The following FOCAD variants were observed in gnomAD, a reference collection of about 807,000 sequenced individuals.
FOCAD encodes the protein KIAA1797.
A neutral mutation model predicts 225.6 loss-of-function variants in FOCAD; 198 were observed. The ratio of observed to expected loss-of-function variants is 0.88; its 90% CI spans 0.78 to 0.99. The LOEUF is 0.99. Ranked by LOEUF, FOCAD falls within the 50% of genes least tolerant of loss-of-function variation. The probability of loss-of-function intolerance (pLI) is 0.00; values close to 1 mark genes in which losing one functional copy is unlikely to be tolerated. For synonymous variants in FOCAD, 897 were observed against 755.0 expected (o/e 1.19, Z -3.08); for missense variants, 2,713 against 2,123.6 (o/e 1.28, Z -5.46).
rs1554753014 is a variant in FOCAD, at chr9:20,986,269, T to TTTTTTTATTTTTTA, written c.4729-13_4729-12insATTTTTTATTTTTT. On this transcript the variant is annotated intron_variant, in intron 39 of 43. Coordinates refer to ENST00000338382, the MANE Select transcript of FOCAD (RefSeq NM_001375567.1). ...TTAATTTAATAGTAACTAAACAATT[T>TTTTTTTATTTTTTA]TTTTTTTTTTTTTTGCAGAGCAACA... 3.4e-6 allele frequency: 4 copies of TTTTTTTATTTTTTA among 1,191,798 alleles called. 1 individual carries two copies. In the African/African-American group the frequency reaches 5.0e-5, roughly 15 times the overall value. The allele number at this position is 1,191,798 out of a possible 1,614,324, so 73.8% of individuals were successfully genotyped here. A position where few individuals can be genotyped will look rare whatever the true frequency, so the allele number is the denominator to read the frequency against.
intron 36 of FOCAD, 61 bp from the exon 37 acceptor site, chr9:20,978,278 G>A: frequency 4.6e-6 from 5 of 1,079,220 alleles, no homozygotes; most frequent in East Asian, 2.8e-5. Context: ...AGATATTAAA[G>A]CCTGAAAATG....
chr9:20,898,119 T>C (rs1832254854), intron 21 of FOCAD, among the ~76,000 whole-genome samples: 2 of 151,884 alleles, frequency 1.3e-5, no homozygotes. Context: ...TCTTTGCTTC[T>C]CTATATGTAT....
At chr9:20,820,194 G>T in intron 12 of FOCAD, 130 bp from the exon 13 acceptor site, 1 of 632,098 alleles carries the variant, frequency 1.6e-6, no homozygotes, top group Non-Finnish European at 2.7e-6. Context: ...CTCTAAGAAG[G>T]TGGGTAATAT....
chr9:20,729,320 G>A (rs946527985), intron 4 of FOCAD, among the ~76,000 whole-genome samples: 39 of 152,236 alleles, frequency 2.6e-4, no homozygotes, highest in Admixed American at 1.8e-3. Context: ...TTGTGGCCTT[G>A]TAACTTCAGT....
Position 20,988,318 on chromosome 9 carries a change from C to G in FOCAD, c.4907-14C>G, listed in dbSNP as rs751382980. The G allele has an allele frequency of 2.6e-6, 4 of 1,535,284 alleles. No homozygotes were observed. The East Asian group carries it at 6.8e-5, about 26-fold the overall frequency. On this transcript the variant is annotated splice_polypyrimidine_tract_variant and intron_variant, in intron 40 of 43. Coordinates refer to ENST00000338382, the MANE Select transcript of FOCAD (RefSeq NM_001375567.1). ...AAACCATGGTCTAGTAAGAAAATAC[C>G]CTTTTCATTTCAGGCGTTTTGAAGA...
intron 15 of FOCAD, among the ~76,000 whole-genome samples, chr9:20,856,420 A>AT (rs774561998): frequency 5.9e-5 from 9 of 151,822 alleles, no homozygotes; most frequent in Non-Finnish European, 1.3e-4. Context: ...TGTTTTGCCC[A>AT]TTTTTTGAGT....
At chr9:20,848,682 G>A (rs1238521190) in intron 15 of FOCAD, among the ~76,000 whole-genome samples, 2 of 151,890 alleles carry the variant, frequency 1.3e-5, no homozygotes, top group South Asian at 2.1e-4. Flanking sequence ...TAACCACGGT[G>A]TATGTATAAT....
chr9:20,876,060 T>C (rs1489641275), intron 19 of FOCAD, among the ~76,000 whole-genome samples: 1 of 152,210 alleles, frequency 6.6e-6, no homozygotes, highest in Non-Finnish European at 1.5e-5. Context: ...TTCAGCCAAA[T>C]ATATACTATT....
rs369490427 is a variant in FOCAD at position 20,948,433 on chromosome 9, A to G, written c.3798+40A>G. On this transcript the variant is annotated intron_variant, in intron 31 of 43. Coordinates refer to ENST00000338382, the MANE Select transcript of FOCAD (RefSeq NM_001375567.1). Reference sequence around the variant, plus strand: ...TTGTATGCTATTTCATATTTTTATAATGGAAAAAGAACTACTTTATTGGAT... The same window carrying G: ...TTGTATGCTATTTCATATTTTTATAGTGGAAAAAGAACTACTTTATTGGAT... The G allele has an allele frequency of 1.6e-5, 25 of 1,593,728 alleles. No homozygotes were observed. The African/African-American group carries it at 3.1e-4, about 20-fold the overall frequency.
At chr9:20,909,724 T>G (rs1251214038) in intron 22 of FOCAD, among the ~76,000 whole-genome samples, 1 of 152,146 alleles carries the variant, frequency 6.6e-6, no homozygotes, top group Non-Finnish European at 1.5e-5. Flanking sequence ...TCACTATTAC[T>G]TGAAAGTACA....
intron 11 of FOCAD, among the ~76,000 whole-genome samples, chr9:20,801,128 G>T (rs1821780240): frequency 6.6e-6 from 1 of 152,130 alleles, no homozygotes; most frequent in Admixed American, 6.6e-5. Context: ...GACCCTGTTT[G>T]CCTGGGTATC....
At chr9:20,779,222 A>C (rs1819105507) in intron 9 of FOCAD, among the ~76,000 whole-genome samples, 1 of 152,258 alleles carries the variant, frequency 6.6e-6, no homozygotes, top group African/African-American at 2.4e-5. Flanking sequence ...ACTTAAAGAA[A>C]AGTGAAGGAG....
chr9:20,949,543 A>C, intron 32 of FOCAD, 61 bp from the exon 33 acceptor site: 3 of 1,215,594 alleles, frequency 2.5e-6, no homozygotes, highest in South Asian at 1.2e-5. Flanking sequence ...TGCACCGGGA[A>C]TATAACTCTT....
intron 35 of FOCAD, among the ~76,000 whole-genome samples, chr9:20,958,983 A>C (rs149598802): frequency 1.3e-5 from 2 of 152,178 alleles, no homozygotes; most frequent in Admixed American, 6.6e-5. Flanking sequence ...TATTGTGAAT[A>C]GTACTAAAAT....
At chr9:20,806,390 A>G (rs1041026597) in intron 11 of FOCAD, among the ~76,000 whole-genome samples, 4 of 152,116 alleles carry the variant, frequency 2.6e-5, no homozygotes, top group East Asian at 1.9e-4. Context: ...CAAGGTTGTT[A>G]TTTCTGAAGA....
At chr9:20,740,657 A>G (rs935274343) in intron 5 of FOCAD, among the ~76,000 whole-genome samples, 1 of 152,218 alleles carries the variant, frequency 6.6e-6, no homozygotes, top group Non-Finnish European at 1.5e-5. Flanking sequence ...GGAAGACTTC[A>G]TTGAACAAAG....
chr9:20,838,485 G>A (rs925792628), intron 15 of FOCAD, among the ~76,000 whole-genome samples: 5 of 152,010 alleles, frequency 3.3e-5, no homozygotes, highest in African/African-American at 9.7e-5. Flanking sequence ...AACAATTTAC[G>A]AGGTCATATG....
chr9:20,803,170 T>A (rs572252405), intron 11 of FOCAD, among the ~76,000 whole-genome samples: 1 of 152,108 alleles, frequency 6.6e-6, no homozygotes, highest in Non-Finnish European at 1.5e-5. Flanking sequence ...TGAAATACTA[T>A]AGATGCCTTG....
At chr9:20,976,298 T>G in intron 35 of FOCAD, 122 bp from the exon 36 acceptor site, 1 of 868,492 alleles carries the variant, frequency 1.2e-6, no homozygotes, top group Non-Finnish European at 1.8e-6. Context: ...GAAGCGTTGA[T>G]CGCAATTGAA....
Sources: allele counts gnomAD v4.1 joint callset (sites outside exome capture counted in the v4.1 genomes callset), GRCh38; gene constraint gnomAD v4.1.1; transcripts MANE v1.5; gene names NCBI Gene and HGNC (gene_info 2026-07-23, HGNC 2026-07-21).